Variants in POU2F3 observed in about 807,000 individuals in gnomAD.
POU2F3 encodes the protein POU class 2 homeobox 3, also known as POU domain, class 2, transcription factor 3.
Under a neutral mutation model 59.2 loss-of-function variants are expected in POU2F3, and 23 were observed. The observed-to-expected ratio is 0.39, with a 90% confidence interval of 0.28 to 0.55. The LOEUF is 0.55. POU2F3 is among the 20% of genes least tolerant of loss of function. POU2F3 has a pLI of 0.66. For missense variants in POU2F3, 473 were observed against 544.5 expected (o/e 0.87, Z 1.31); for synonymous variants, 190 against 214.6 (o/e 0.89, Z 1.00).
chr11:120,310,099 G>C (rs1199816718), intron 10 of POU2F3, among the ~76,000 whole-genome samples: 1 of 152,234 alleles, frequency 6.6e-6, no homozygotes, highest in Non-Finnish European at 1.5e-5. Context: ...AGCTGAGCTG[G>C]TTGACACAGG....
chr11:120,258,238 G>A (rs944307037), intron 2 of POU2F3, among the ~76,000 whole-genome samples: 1 of 152,116 alleles, frequency 6.6e-6, no homozygotes, highest in Non-Finnish European at 1.5e-5. Context: ...CACCCTGGGG[G>A]AGAGGACTAG....
rs573645086 is a variant in POU2F3, at chr11:120,246,629, A to C, written c.97+112A>C. On this transcript the variant is annotated intron_variant, in intron 2 of 12. Coordinates refer to ENST00000543440, the MANE Select transcript of POU2F3 (RefSeq NM_014352.4). The stretch of plus-strand genomic sequence containing the variant: ...TGGTCTTTCAGCCAACCAGACCCCA[A>C]AGCTAGGTCTTAGGAACTAAGGGAA... The C allele has an allele frequency of 3.6e-6, 4 of 1,118,082 alleles. No individual in the cohort carries two copies. The East Asian group carries it at 9.8e-5, about 27-fold the overall frequency. The allele number at this position is 1,118,082 out of a possible 1,614,324, so 69.3% of individuals were successfully genotyped here. A position where few individuals can be genotyped will look rare whatever the true frequency, so the allele number is the denominator to read the frequency against.
intron 3 of POU2F3, among the ~76,000 whole-genome samples, chr11:120,290,546 A>G (rs1335524507): frequency 2.0e-5 from 3 of 152,102 alleles, no homozygotes; most frequent in Non-Finnish European, 2.9e-5. Context: ...CCAAATAACC[A>G]TGTAGAGAGT....
chr11:120,253,817 G>A (rs531148756), intron 2 of POU2F3, among the ~76,000 whole-genome samples: 33 of 152,302 alleles, frequency 2.2e-4, no homozygotes, highest in South Asian at 8.3e-4. Flanking sequence ...TGGCCTCCGT[G>A]AGCAATGGCT....
rs187687149 is a variant in POU2F3 at position 120,298,255 on chromosome 11, C to A, written c.133-10C>A. 18 of 1,609,122 alleles carry A rather than the reference C, an allele frequency of 1.1e-5. 1 individual carries two copies. The East Asian group carries it at 4.0e-4, about 36-fold the overall frequency. On this transcript the variant is annotated splice_polypyrimidine_tract_variant and intron_variant, in intron 3 of 12. Transcript: ENST00000543440. The stretch of plus-strand genomic sequence containing the variant: ...CAGCACTGACGCTCTCCTCTTGCTT[C>A]CACTTGCAGATTAAAACCGAAGATC...
At chr11:120,236,769 CTG>C, upstream of POU2F3, 1 of 1,393,108 alleles carries the variant, frequency 7.2e-7, no homozygotes. Context: ...GTGAGCAAGT[CTG>C]AGAGAGAAGG....
chr11:120,308,004 T>C (rs1353637010), intron 9 of POU2F3, among the ~76,000 whole-genome samples: 1 of 152,234 alleles, frequency 6.6e-6, no homozygotes. Flanking sequence ...TTTTGTATTT[T>C]TCAAATTATA....
chr11:120,288,174 ATACAG>A (rs1419677741), intron 3 of POU2F3, among the ~76,000 whole-genome samples: 1 of 144,828 alleles, frequency 6.9e-6, no homozygotes, highest in African/African-American at 2.6e-5. Context: ...GTCTGGGGCC[ATACAG>A]TACTACAGCC....
intron 1 of POU2F3, 36 bp downstream of exon 1, chr11:120,240,407 A>G: frequency 7.3e-7 from 1 of 1,374,398 alleles, no homozygotes; most frequent in East Asian, 2.8e-5. Flanking sequence ...GACAGGTGTC[A>G]CTGCGCGTGG....
intron 2 of POU2F3, chr11:120,254,822 C>T (rs1365451099): frequency 6.6e-6 from 1 of 152,144 alleles, no homozygotes; most frequent in Admixed American, 6.5e-5. Flanking sequence ...AAAGTGCCCA[C>T]CTGGGCTCTC....
intron 3 of POU2F3, among the ~76,000 whole-genome samples, chr11:120,277,226 G>A (rs575179090): frequency 2.0e-5 from 3 of 152,022 alleles, no homozygotes; most frequent in Non-Finnish European, 4.4e-5. Context: ...AGGAGGCAGA[G>A]GTTACAGTGA....
At chr11:120,304,034 GCT>G (rs1433173608) in intron 6 of POU2F3, 1 of 152,122 alleles carries the variant, frequency 6.6e-6, no homozygotes, top group African/African-American at 2.4e-5. Context: ...ATGAAAATAA[GCT>G]CAAGAAATAA....
At chr11:120,239,006 A>G (rs1203640392), upstream of POU2F3, among the ~76,000 whole-genome samples, 1 of 152,164 alleles carries the variant, frequency 6.6e-6, no homozygotes, top group Admixed American at 6.5e-5. Context: ...CTTGATACAC[A>G]GTGAAGGCAC....
At chr11:120,245,939 G>A (rs570319174) in intron 1 of POU2F3, among the ~76,000 whole-genome samples, 2 of 152,300 alleles carry the variant, frequency 1.3e-5, no homozygotes, top group East Asian at 3.9e-4. Context: ...AACCCAGGCA[G>A]GACCTGGGAA....
chr11:120,256,619 T>A (rs1939354321), intron 2 of POU2F3: 1 of 152,248 alleles, frequency 6.6e-6, no homozygotes, highest in Admixed American at 6.5e-5. Context: ...GGGAGATGCA[T>A]CTGTCACATT....
intron 3 of POU2F3, among the ~76,000 whole-genome samples, chr11:120,269,792 G>A (rs1450060467): frequency 6.6e-6 from 1 of 152,208 alleles, no homozygotes; most frequent in African/African-American, 2.4e-5. Context: ...GTTAGACTTA[G>A]TTAGGAAGGG....
intron 2 of POU2F3, among the ~76,000 whole-genome samples, chr11:120,260,728 G>A (rs1939558492): frequency 2.0e-5 from 3 of 152,170 alleles, no homozygotes; most frequent in African/African-American, 4.8e-5. Context: ...GCTGGCGTTG[G>A]GGGGTTAAGT....
intron 3 of POU2F3, among the ~76,000 whole-genome samples, chr11:120,272,592 C>T (rs923806310): frequency 1.1e-4 from 17 of 152,210 alleles, no homozygotes; most frequent in African/African-American, 4.1e-4. Context: ...GGCCCCAGGC[C>T]AGTTGGTGCA....
chr11:120,308,953 AAAAAAAAAAAAAAAAAAAAAAAAG>A (rs1200886609), intron 9 of POU2F3, among the ~76,000 whole-genome samples: 11 of 99,622 alleles, frequency 1.1e-4, no homozygotes, highest in Non-Finnish European at 2.1e-4. Context: ...AAAAAAAAAA[AAAAAAAAAAAAAAAAAAAAAAAAG>A]AAATGACAAG....
Sources: allele counts gnomAD v4.1 joint callset (sites outside exome capture counted in the v4.1 genomes callset), GRCh38; gene constraint gnomAD v4.1.1; transcripts MANE v1.5; gene names NCBI Gene and HGNC (gene_info 2026-07-23, HGNC 2026-07-21).